The following RNF13 variants were observed in gnomAD, a reference collection of about 807,000 sequenced individuals.
RNF13 encodes ring finger protein 13, also known as E3 ubiquitin-protein ligase RNF13.
In RNF13, 19 loss-of-function variants were observed where a neutral mutation model predicts 37.7. That is an observed-to-expected ratio of 0.50 (90% CI 0.35 to 0.74). The LOEUF is 0.74. Ranked by LOEUF, RNF13 falls within the 30% of genes least tolerant of loss-of-function variation. The pLI is 0.01. For synonymous variants in RNF13, 144 were observed against 157.8 expected, an observed-to-expected ratio of 0.91 and a Z score of 0.65; for missense variants, 375 against 453.0, an observed-to-expected ratio of 0.83 and a Z score of 1.56.
intron 1 of RNF13, among the ~76,000 whole-genome samples, chr3:149,818,538 G>A (rs2108308055): frequency 6.6e-6 from 1 of 152,258 alleles, no homozygotes; most frequent in Non-Finnish European, 1.5e-5. Flanking sequence ...TTAAGGCAGA[G>A]GCTACATCTT....
At chr3:149,879,694 C>T (rs1474163649) in intron 4 of RNF13, among the ~76,000 whole-genome samples, 3 of 152,062 alleles carry the variant, frequency 2.0e-5, no homozygotes, top group Non-Finnish European at 4.4e-5. Context: ...TCTATATTTG[C>T]ACTAATTTTA....
intron 1 of RNF13, among the ~76,000 whole-genome samples, chr3:149,834,763 C>CACCAGAT (rs1398575395): frequency 1.3e-5 from 2 of 152,230 alleles, no homozygotes; most frequent in Admixed American, 6.5e-5. Context: ...TTGAGGTCCT[C>CACCAGAT]ACCAGATATA....
intron 2 of RNF13, among the ~76,000 whole-genome samples, chr3:149,851,021 C>T (rs929827321): frequency 1.3e-5 from 2 of 152,142 alleles, no homozygotes; most frequent in Non-Finnish European, 2.9e-5. Flanking sequence ...CCAGCAATGA[C>T]AGAATGAATA....
intron 6 of RNF13, among the ~76,000 whole-genome samples, chr3:149,906,244 A>G (rs1483096642): frequency 1.3e-5 from 2 of 152,058 alleles, no homozygotes; most frequent in African/African-American, 4.8e-5. Flanking sequence ...ATGGATGGAC[A>G]TTTAGCTTGT....
intron 3 of RNF13, among the ~76,000 whole-genome samples, chr3:149,859,710 T>C (rs1724028650): frequency 6.6e-6 from 1 of 152,172 alleles, no homozygotes; most frequent in Non-Finnish European, 1.5e-5. Context: ...GAGTGATACA[T>C]GCTCACCATT....
intron 4 of RNF13, 64 bp downstream of exon 4, chr3:149,872,218 C>A: frequency 9.6e-7 from 1 of 1,038,200 alleles, no homozygotes; most frequent in Non-Finnish European, 1.4e-6. Flanking sequence ...AAATCATTTA[C>A]ATCCTCCCTT....
At chr3:149,824,607 A>C (rs1720298343) in intron 1 of RNF13, among the ~76,000 whole-genome samples, 1 of 152,148 alleles carries the variant, frequency 6.6e-6, no homozygotes, top group South Asian at 2.1e-4. Flanking sequence ...TAGACTAGAA[A>C]AAATATATGG....
At chr3:149,916,112 G>A (rs190665796) in intron 7 of RNF13, among the ~76,000 whole-genome samples, 14 of 151,792 alleles carry the variant, frequency 9.2e-5, no homozygotes, top group Admixed American at 7.9e-4. Flanking sequence ...GAAAATTGGG[G>A]TTATCTGTTA....
intron 2 of RNF13, among the ~76,000 whole-genome samples, chr3:149,846,530 C>G (rs566123389): frequency 6.6e-6 from 1 of 152,266 alleles, no homozygotes; most frequent in African/African-American, 2.4e-5. Flanking sequence ...GTCTTGAACT[C>G]CTGAACCTAA....
chr3:149,829,473 A>G (rs2108333213), intron 1 of RNF13, among the ~76,000 whole-genome samples: 1 of 152,358 alleles, frequency 6.6e-6, no homozygotes, highest in Non-Finnish European at 1.5e-5. Flanking sequence ...GAAAAATAAA[A>G]TTGTAAAACA....
At position 149,960,996 on chromosome 3, in the gene RNF13, T is replaced by C; in HGVS notation, c.1038T>C (p.Asn346=). 4 of 1,614,206 alleles carry C rather than the reference T, an allele frequency of 2.5e-6. No individual in the cohort carries two copies. The South Asian group carries it at 3.3e-5, about 13-fold the overall frequency. ...TESSDYEEDD[N]EDTDSSDAEN... The stretch of plus-strand genomic sequence containing the variant: ...CTTCAGACTATGAGGAAGACGACAA[T>C]GAAGATACTGACAGTAGTGATGCAG... Residue 346 remains asparagine, a synonymous_variant, in exon 10 of 10, where the codon AAT becomes AAC. Coordinates refer to ENST00000392894, the MANE Select transcript of RNF13 (RefSeq NM_183381.3).
At chr3:149,956,339 T>C (rs549377549) in intron 8 of RNF13, among the ~76,000 whole-genome samples, 3 of 152,300 alleles carry the variant, frequency 2.0e-5, no homozygotes, top group Admixed American at 2.0e-4. Context: ...GGACATGTTT[T>C]GCAGATAAAA....
intron 3 of RNF13, among the ~76,000 whole-genome samples, chr3:149,864,769 G>A (rs571836480): frequency 6.6e-6 from 1 of 152,214 alleles, no homozygotes; most frequent in African/African-American, 2.4e-5. Context: ...ATTTGATAAA[G>A]ACAAAAAGAA....
chr3:149,817,352 C>T (rs530441838), intron 1 of RNF13: 4 of 152,098 alleles, frequency 2.6e-5, no homozygotes, highest in Non-Finnish European at 5.9e-5. Context: ...AACTTTTAGA[C>T]CTAGCAAGGC....
chr3:149,868,929 T>G (rs2108435305), intron 3 of RNF13, among the ~76,000 whole-genome samples: 1 of 151,932 alleles, frequency 6.6e-6, no homozygotes, highest in African/African-American at 2.4e-5. Flanking sequence ...TTGAATAAGC[T>G]TTCTATACCT....
chr3:149,915,663 G>T (rs1717433389), intron 7 of RNF13, among the ~76,000 whole-genome samples: 1 of 152,208 alleles, frequency 6.6e-6, no homozygotes, highest in Admixed American at 6.5e-5. Flanking sequence ...ATATTATTCA[G>T]TGTTATTAAG....
chr3:149,935,038 T>C (rs1409698824), intron 8 of RNF13, among the ~76,000 whole-genome samples: 5 of 152,236 alleles, frequency 3.3e-5, no homozygotes, highest in African/African-American at 1.2e-4. Flanking sequence ...CCTAACGTGA[T>C]CTGTCCTGGG....
intron 6 of RNF13, among the ~76,000 whole-genome samples, chr3:149,908,663 C>G (rs1050076321): frequency 1.3e-5 from 2 of 152,078 alleles, no homozygotes; most frequent in Non-Finnish European, 2.9e-5. Flanking sequence ...TGGGGATATC[C>G]AGCAGTTGGG....
chr3:149,930,165 G>C (rs984880171), intron 8 of RNF13, among the ~76,000 whole-genome samples: 1 of 152,168 alleles, frequency 6.6e-6, no homozygotes, highest in African/African-American at 2.4e-5. Context: ...CTGACCTCAA[G>C]TGATCTGCCT....
Sources: allele counts gnomAD v4.1 joint callset (sites outside exome capture counted in the v4.1 genomes callset), GRCh38; gene constraint gnomAD v4.1.1; transcripts MANE v1.5; gene names NCBI Gene and HGNC (gene_info 2026-07-23, HGNC 2026-07-21).